Variants in LRP1B observed in about 807,000 individuals in gnomAD.
LRP1B encodes the protein LDL receptor related protein 1B.
Under a neutral mutation model 556.6 loss-of-function variants are expected in LRP1B, and 217 were observed. The ratio of observed to expected loss-of-function variants is 0.39; its 90% CI spans 0.35 to 0.44. The LOEUF (loss-of-function observed/expected upper bound fraction) is 0.44, where lower values mean the gene tolerates loss of function less well. Among genes scored for constraint, LRP1B ranks in the 20% least tolerant of loss-of-function variants. LRP1B has a pLI of 1.00. For synonymous variants in LRP1B, 2,047 were observed against 1,865.8 expected (o/e 1.10, Z -2.50); for missense variants, 5,053 against 5,620.8 (o/e 0.90, Z 3.23).
At position 141,947,887 on chromosome 2, in the gene LRP1B, G is replaced by A. The variant is rs190895695; in HGVS notation, c.83-137486C>T. ...AGTTGAAACTCACATCTGTTGAGCT[G>A]TGGTTTTGAGACGTAGAAAGCATCA... On this transcript the variant is annotated intron_variant, in intron 1 of 90. Transcript: ENST00000389484. Among the ~76,000 whole-genome samples, 11 of 151,370 alleles carry A rather than the reference G, an allele frequency of 7.3e-5. No individual in the cohort carries two copies. In the East Asian group the frequency reaches 2.1e-3, roughly 29 times the overall value.
chr2:141,810,167 AGG>A (rs1491055122), intron 2 of LRP1B, 110 bp downstream of exon 2: 2 of 409,632 alleles, frequency 4.9e-6, no homozygotes, highest in African/African-American at 8.7e-5. Flanking sequence ...GAAAGAAAGA[AGG>A]AAAGAAAGAA....
At chr2:141,190,116 C>T (rs1221622041) in intron 6 of LRP1B, among the ~76,000 whole-genome samples, 2 of 151,962 alleles carry the variant, frequency 1.3e-5, no homozygotes. Flanking sequence ...AACCTTTGTT[C>T]TCCATGCATT....
intron 55 of LRP1B, among the ~76,000 whole-genome samples, chr2:140,500,935 G>T (rs1463135376): frequency 6.6e-6 from 1 of 151,886 alleles, no homozygotes; most frequent in African/African-American, 2.4e-5. Context: ...ATACAGAGTT[G>T]TTGCTCCATT....
intron 63 of LRP1B, among the ~76,000 whole-genome samples, chr2:140,450,260 G>A (rs767207744): frequency 6.6e-6 from 1 of 152,034 alleles, no homozygotes; most frequent in African/African-American, 2.4e-5. Flanking sequence ...TCAAATTAAT[G>A]ATGCTTATTA....
At chr2:141,029,827 T>C (rs964158605) in intron 11 of LRP1B, among the ~76,000 whole-genome samples, 7 of 152,262 alleles carry the variant, frequency 4.6e-5, no homozygotes, top group African/African-American at 1.7e-4. Context: ...TTCTCAGCTG[T>C]GGCATTACTG....
intron 3 of LRP1B, among the ~76,000 whole-genome samples, chr2:141,259,666 C>T (rs925088240): frequency 4.6e-5 from 7 of 152,032 alleles, no homozygotes; most frequent in South Asian, 4.2e-4. Flanking sequence ...GTGATATCAG[C>T]GAAAAATTGG....
intron 3 of LRP1B, among the ~76,000 whole-genome samples, chr2:141,350,946 C>T (rs901938354): frequency 6.6e-6 from 1 of 151,972 alleles, no homozygotes; most frequent in Non-Finnish European, 1.5e-5. Context: ...ACTATTAAAC[C>T]AGAGGTGATT....
intron 66 of LRP1B, among the ~76,000 whole-genome samples, chr2:140,440,248 A>C (rs976548387): frequency 2.6e-5 from 4 of 152,152 alleles, no homozygotes; most frequent in African/African-American, 9.7e-5. Flanking sequence ...CTGAAATAAA[A>C]ATGGATTCTA....
At chr2:141,886,145 C>A (rs1007855695) in intron 1 of LRP1B, among the ~76,000 whole-genome samples, 5 of 152,192 alleles carry the variant, frequency 3.3e-5, no homozygotes, top group African/African-American at 1.2e-4. Context: ...GGCTGGTAAT[C>A]ACTATTACCT....
chr2:140,557,275 C>T (rs1680767996), intron 43 of LRP1B, among the ~76,000 whole-genome samples: 2 of 152,056 alleles, frequency 1.3e-5, no homozygotes, highest in African/African-American at 4.8e-5. Context: ...TATTTTTAGA[C>T]TTGCAAAAAA....
chr2:141,286,054 G>C (rs1331574190), intron 3 of LRP1B, among the ~76,000 whole-genome samples: 1 of 112,580 alleles, frequency 8.9e-6, no homozygotes, highest in East Asian at 2.5e-4. Context: ...GTGACAGAGC[G>C]AGACTCCGTC....
At chr2:141,798,060 C>A (rs1056045404) in intron 2 of LRP1B, among the ~76,000 whole-genome samples, 1 of 151,984 alleles carries the variant, frequency 6.6e-6, no homozygotes, top group Admixed American at 6.6e-5. Context: ...AGATATTATA[C>A]AATATTATAC....
At chr2:140,359,162 G>A (rs1682387977) in intron 72 of LRP1B, among the ~76,000 whole-genome samples, 1 of 151,568 alleles carries the variant, frequency 6.6e-6, no homozygotes, top group Non-Finnish European at 1.5e-5. Flanking sequence ...GATCTTAAAG[G>A]AAATACGAAA....
intron 1 of LRP1B, among the ~76,000 whole-genome samples, chr2:141,927,300 A>G (rs937018911): frequency 6.6e-6 from 1 of 152,192 alleles, no homozygotes; most frequent in Non-Finnish European, 1.5e-5. Flanking sequence ...TGAGAACACC[A>G]TTAAGAAGTA....
chr2:141,431,594 A>G lies in LRP1B; in HGVS notation c.343+48802T>C, dbSNP rs538196909. ...AATTGGAAATATTGCCATTTAAACA[A>G]TAGGAAGTCTGTTATCCATGAACCT... On this transcript the variant is annotated intron_variant, in intron 3 of 90. Coordinates refer to ENST00000389484, the MANE Select transcript of LRP1B (RefSeq NM_018557.3). 8.5e-4 allele frequency among the ~76,000 whole-genome samples: 129 copies of G among 152,292 alleles called. 1 individual carries two copies. The highest frequency in any genetic ancestry group is 3.0e-3 in the African/African-American group (124 of 41,568).
intron 7 of LRP1B, among the ~76,000 whole-genome samples, chr2:141,176,771 A>C (rs988823529): frequency 6.6e-6 from 1 of 152,116 alleles, no homozygotes; most frequent in African/African-American, 2.4e-5. Context: ...AAAATAATAA[A>C]ACTGAATTTT....
chr2:140,789,876 C>T (rs1433349205), intron 32 of LRP1B, among the ~76,000 whole-genome samples: 1 of 151,588 alleles, frequency 6.6e-6, no homozygotes, highest in African/African-American at 2.4e-5. Context: ...GCGATCCGCC[C>T]GCCTCGGCCT....
intron 23 of LRP1B, among the ~76,000 whole-genome samples, chr2:140,887,677 G>T (rs573869888): frequency 6.6e-6 from 1 of 152,088 alleles, no homozygotes; most frequent in African/African-American, 2.4e-5. Context: ...ATCAACTGAT[G>T]AATAAAAAAA....
Position 141,602,915 on chromosome 2 carries a change from T to C in LRP1B, c.206-122382A>G, listed in dbSNP as rs542711354. Among the ~76,000 whole-genome samples the C allele has an allele frequency of 2.0e-5, 3 of 152,238 alleles. 1 individual carries two copies. Among genetic ancestry groups the C allele is most frequent in the Admixed American group, 1.3e-4 (2 of 15,282 alleles). On this transcript the variant is annotated intron_variant, in intron 2 of 90. Coordinates refer to ENST00000389484, the MANE Select transcript of LRP1B (RefSeq NM_018557.3). Reference sequence around the variant, plus strand: ...TGTATAAAATGCCAGTAAATGTTTCTTGAGAAACTTGTATGTAACAAGTAT... The same window carrying C: ...TGTATAAAATGCCAGTAAATGTTTCCTGAGAAACTTGTATGTAACAAGTAT...
Sources: gnomAD v4.1 joint callset for allele counts (sites outside exome capture counted in the v4.1 genomes callset) on GRCh38, gnomAD v4.1.1 for gene constraint, MANE v1.5 for transcripts, NCBI Gene and HGNC (gene_info 2026-07-23, HGNC 2026-07-21) for gene names.